Variants in ANO10 observed in about 807,000 individuals in gnomAD.
ANO10 encodes the protein anoctamin-10.
Under a neutral mutation model 74.7 loss-of-function variants are expected in ANO10, and 77 were observed. The ratio of observed to expected loss-of-function variants is 1.03; its 90% CI spans 0.86 to 1.25. ANO10 has a LOEUF of 1.25. Ranked by LOEUF, ANO10 falls within the 50% of genes most tolerant of loss-of-function variation. ANO10 has a pLI of 0.00. For missense variants in ANO10, 721 were observed against 778.1 expected, an observed-to-expected ratio of 0.93 and a Z score of 0.87; for synonymous variants, 279 against 284.9, an observed-to-expected ratio of 0.98 and a Z score of 0.21.
rs920426533 is a variant in ANO10, at chr3:43,577,773, A to G, written c.593-512T>C. On this transcript the variant is annotated intron_variant, in intron 5 of 12. Transcript: ENST00000292246. ...TGTGTTATGGAAGATTTTTCAATAC[A>G]CTAAAGAAAAATTATTCAAAAGCAC... Among the ~76,000 whole-genome samples the G allele has an allele frequency of 1.5e-4, 23 of 152,214 alleles. 1 individual carries two copies. Among genetic ancestry groups the G allele is most frequent in the Non-Finnish European group, 1.5e-4 (10 of 68,036 alleles).
intron 4 of ANO10, among the ~76,000 whole-genome samples, chr3:43,589,284 ACTT>A (rs1304166858): frequency 6.9e-6 from 1 of 145,346 alleles, no homozygotes; most frequent in African/African-American, 2.5e-5. Context: ...ATACACAAAA[ACTT>A]CTTAATAAAG....
At chr3:43,488,675 T>A (rs1242000501) in intron 11 of ANO10, among the ~76,000 whole-genome samples, 4 of 149,878 alleles carry the variant, frequency 2.7e-5, no homozygotes, top group African/African-American at 9.7e-5. Context: ...AAACAACAGG[T>A]GCTGGAGAGG....
chr3:43,566,377 G>C (rs1256779229), intron 7 of ANO10, among the ~76,000 whole-genome samples: 2 of 152,230 alleles, frequency 1.3e-5, no homozygotes, highest in Non-Finnish European at 2.9e-5. Flanking sequence ...TCCACCTCTG[G>C]GGGCAGGGCA....
intron 12 of ANO10, among the ~76,000 whole-genome samples, chr3:43,376,161 T>C (rs2091799470): frequency 6.6e-6 from 1 of 152,202 alleles, no homozygotes. Flanking sequence ...GACTGCAGTT[T>C]ACTAAACACA....
At chr3:43,387,290 C>T (rs756588326) in intron 12 of ANO10, among the ~76,000 whole-genome samples, 7 of 152,158 alleles carry the variant, frequency 4.6e-5, no homozygotes, top group Non-Finnish European at 8.8e-5. Context: ...CCGTCATTGA[C>T]CAAAACGTCG....
At chr3:43,470,468 C>T (rs1451776217) in intron 11 of ANO10, among the ~76,000 whole-genome samples, 3 of 152,310 alleles carry the variant, frequency 2.0e-5, no homozygotes, top group Admixed American at 6.5e-5. Flanking sequence ...ATTCTCCTGC[C>T]TCAGCCTCCT....
intron 1 of ANO10, among the ~76,000 whole-genome samples, chr3:43,647,652 T>C (rs2149566691): frequency 6.6e-6 from 1 of 152,318 alleles, no homozygotes; most frequent in Non-Finnish European, 1.5e-5. Context: ...AAATTAACCA[T>C]CATATTACAC....
chr3:43,636,803 C>A (rs1216966437), intron 1 of ANO10, among the ~76,000 whole-genome samples: 1 of 152,084 alleles, frequency 6.6e-6, no homozygotes, highest in Non-Finnish European at 1.5e-5. Flanking sequence ...ATTGATATTT[C>A]TTTATTTTTT....
intron 12 of ANO10, among the ~76,000 whole-genome samples, chr3:43,419,149 G>A (rs568245089): frequency 6.6e-6 from 1 of 152,342 alleles, no homozygotes; most frequent in African/African-American, 2.4e-5. Flanking sequence ...CTCACAACAT[G>A]GCAGCTAGCT....
At chr3:43,597,002 C>T (rs2082119165) in intron 4 of ANO10, among the ~76,000 whole-genome samples, 2 of 152,276 alleles carry the variant, frequency 1.3e-5, no homozygotes, top group South Asian at 2.1e-4. Flanking sequence ...AGCCAACAGA[C>T]ACATGAAAAA....
intron 11 of ANO10, among the ~76,000 whole-genome samples, chr3:43,487,919 T>C (rs1575238659): frequency 2.0e-5 from 3 of 151,780 alleles, no homozygotes; most frequent in Admixed American, 2.0e-4. Context: ...CTTCAAACTA[T>C]ACTACAAGGC....
chr3:43,567,154 G>A lies in ANO10; in HGVS notation c.1219-1427C>T, dbSNP rs375318141. On this transcript the variant is annotated intron_variant, in intron 7 of 12. Transcript: ENST00000292246. ...GAGAAAAAAGAATAAAAAGAAATGAGCAAAGCCTCCAAGAAATATGGGACT... is the reference window on the plus strand; with the variant it reads ...GAGAAAAAAGAATAAAAAGAAATGAACAAAGCCTCCAAGAAATATGGGACT... 3.3e-5 allele frequency among the ~76,000 whole-genome samples: 5 copies of A among 152,186 alleles called. No homozygotes were observed. In the East Asian group the frequency reaches 7.7e-4, roughly 24 times the overall value.
At position 43,559,430 on chromosome 3, in the gene ANO10, A is replaced by G. The variant is rs140028104; in HGVS notation, c.1476+1790T>C. 8.6e-3 allele frequency among the ~76,000 whole-genome samples: 1,312 copies of G among 152,368 alleles called. 12 individuals carry two copies. The highest frequency in any genetic ancestry group is 0.014 in the Non-Finnish European group (920 of 68,038). On this transcript the variant is annotated intron_variant, in intron 9 of 12. Coordinates refer to ENST00000292246, the MANE Select transcript of ANO10 (RefSeq NM_018075.5). Reference sequence around the variant, plus strand: ...GCAGATTCTAATTGATTATAGAAAGAGAAGTAGGAAACTAAAGACAACAAT... The same window carrying G: ...GCAGATTCTAATTGATTATAGAAAGGGAAGTAGGAAACTAAAGACAACAAT...
At chr3:43,380,070 G>A (rs911811290) in intron 12 of ANO10, among the ~76,000 whole-genome samples, 12 of 152,024 alleles carry the variant, frequency 7.9e-5, no homozygotes, top group African/African-American at 2.2e-4. Flanking sequence ...CAACAGAATC[G>A]AACCAACAGA....
intron 1 of ANO10, among the ~76,000 whole-genome samples, chr3:43,656,536 C>T (rs905640533): frequency 1.3e-5 from 2 of 152,214 alleles, no homozygotes; most frequent in African/African-American, 4.8e-5. Context: ...GTGGGAGGCT[C>T]AGGCATGGCG....
At chr3:43,684,034 T>A (rs1207435111) in intron 1 of ANO10, among the ~76,000 whole-genome samples, 2 of 152,120 alleles carry the variant, frequency 1.3e-5, no homozygotes, top group Non-Finnish European at 2.9e-5. Flanking sequence ...GGACTTCATG[T>A]CTAAAACACC....
intron 11 of ANO10, among the ~76,000 whole-genome samples, chr3:43,439,001 T>TA (rs2093119236): frequency 6.6e-6 from 1 of 152,038 alleles, no homozygotes. Context: ...GCTGGAAACT[T>TA]ACCAAATCTG....
chr3:43,390,526 T>C (rs1207199533), intron 12 of ANO10, among the ~76,000 whole-genome samples: 1 of 152,222 alleles, frequency 6.6e-6, no homozygotes, highest in Non-Finnish European at 1.5e-5. Flanking sequence ...ACATCTTCTA[T>C]GAAGCCTCCT....
chr3:43,649,443 G>T (rs916421728), intron 1 of ANO10, among the ~76,000 whole-genome samples: 2 of 152,152 alleles, frequency 1.3e-5, no homozygotes, highest in Non-Finnish European at 2.9e-5. Context: ...ACTGTCTAGG[G>T]TTAAGGGAAA....
Sources: allele counts gnomAD v4.1 joint callset (sites outside exome capture counted in the v4.1 genomes callset), GRCh38; gene constraint gnomAD v4.1.1; transcripts MANE v1.5; gene names NCBI Gene and HGNC (gene_info 2026-07-23, HGNC 2026-07-21).